The following SEMA4A variants were observed in gnomAD, a reference collection of about 807,000 sequenced individuals.
SEMA4A encodes the protein semaphorin-4A.
SEMA4A carries 52 observed loss-of-function variants against 72.5 expected under a neutral mutation model. That is an observed-to-expected ratio of 0.72 (90% CI 0.57 to 0.90). The LOEUF (loss-of-function observed/expected upper bound fraction) is 0.90, where lower values mean the gene tolerates loss of function less well. Among genes scored for constraint, SEMA4A ranks in the 40% least tolerant of loss-of-function variants. SEMA4A has a pLI of 0.00. For synonymous variants in SEMA4A, 369 were observed against 393.1 expected (o/e 0.94, Z 0.73); for missense variants, 926 against 959.7 (o/e 0.96, Z 0.46).
Position 156,177,181 on chromosome 1 carries a change from A to G in SEMA4A, c.*184A>G, listed in dbSNP as rs1259536177. ...TGATGCACAGCAGTCTGCCTCCCCT[A>G]TGGGACTCCCTTCTACCAAGCACAT... is the stretch of plus-strand genomic sequence containing the variant. On this transcript the variant is annotated 3_prime_UTR_variant, in exon 15 of 15. Coordinates refer to ENST00000368285, the MANE Select transcript of SEMA4A (RefSeq NM_022367.4). 7 of 677,278 alleles carry G rather than the reference A, an allele frequency of 1.0e-5. No individual in the cohort carries two copies. The highest frequency in any genetic ancestry group is 2.1e-5 in the Admixed American group (1 of 47,300). 42.0% of individuals were successfully genotyped at this position (677,278 alleles called of 1,614,324 possible).
intron 14 of SEMA4A, among the ~76,000 whole-genome samples, chr1:156,175,908 C>T (rs1303340855): frequency 6.6e-6 from 1 of 152,042 alleles, no homozygotes; most frequent in Non-Finnish European, 1.5e-5. Context: ...TGGACTGGGG[C>T]TTAGTTTGGG....
At chr1:156,158,668 C>T in intron 5 of SEMA4A, 51 bp from the exon 6 acceptor site, 2 of 1,481,360 alleles carry the variant, frequency 1.4e-6, no homozygotes, top group South Asian at 2.3e-5. Flanking sequence ...CCCTCATTTC[C>T]CAGATGTGAG....
At position 156,156,591 on chromosome 1, in the gene SEMA4A, TAA is replaced by T; in HGVS notation, c.300+19_300+20del. On this transcript the variant is annotated intron_variant, in intron 3 of 14. Coordinates refer to ENST00000368285, the MANE Select transcript of SEMA4A (RefSeq NM_022367.4). ...AAGAACATGGTGAGGAGTCCAGGGA[TAA>T]AGAGTGTGGGCTGGGAGTGAAGAGG... The T allele has an allele frequency of 1.2e-6, 2 of 1,613,474 alleles. No homozygotes were observed. The highest frequency in any genetic ancestry group is 1.7e-6 in the Non-Finnish European group (2 of 1,179,830).
Position 156,176,496 on chromosome 1 carries a change from A to T in SEMA4A, c.1785A>T (p.Pro595=). The T allele has an allele frequency of 6.2e-7, 1 of 1,614,104 alleles. No homozygotes were observed. The highest frequency in any genetic ancestry group is 1.1e-5 in the South Asian group (1 of 91,076). ...ALASYYWSHG[P]AAVPEASSTV... is the part of the protein sequence containing the mutation. ...CCTCTTATTATTGGAGTCATGGCCC[A>T]GCAGCAGTCCCAGAAGCCTCTTCCA... The change falls in exon 15 of 15, where the codon CCA becomes CCT. Residue 595 remains proline, a synonymous_variant. Coordinates refer to ENST00000368285, the MANE Select transcript of SEMA4A (RefSeq NM_022367.4).
At chr1:156,164,237 C>T (rs1176401304) in intron 10 of SEMA4A, among the ~76,000 whole-genome samples, 1 of 152,136 alleles carries the variant, frequency 6.6e-6, no homozygotes, top group African/African-American at 2.4e-5. Flanking sequence ...CTCTCCCCAA[C>T]CATTTTCAAC....
In SEMA4A at chr1:156,175,234, C is replaced by T. The variant is rs763554654; in HGVS notation, c.1583C>T (p.Ala528Val). The T allele has an allele frequency of 1.2e-6, 2 of 1,611,822 alleles. No individual in the cohort carries two copies. The highest frequency in any genetic ancestry group is 1.1e-5 in the South Asian group (1 of 90,898). The part of the protein sequence containing the change: ...PESRTCCLLS[A>V]PNLNSWKQDM... ...TCCCGAACCTGTTGCCTCCTGTCTG[C>T]CCCCAACCTGTGAGTGCCAGTCCTG... The change falls in exon 13 of 15, where the codon GCC becomes GTC. Residue 528 changes from alanine (A) to valine (V), a missense_variant. Transcript: ENST00000368285.
At position 156,163,010 on chromosome 1, in the gene SEMA4A, T is replaced by G; in HGVS notation, c.1050T>G (p.Phe350Leu). The G allele has an allele frequency of 6.2e-7, 1 of 1,614,124 alleles. No homozygotes were observed. The highest frequency in any genetic ancestry group is 8.5e-7 in the Non-Finnish European group (1 of 1,180,018). Residue 350 changes from phenylalanine to leucine, a missense_variant, in exon 10 of 15, where the codon TTT (phenylalanine) becomes TTG (leucine). Phe to Leu is a conservative substitution (Grantham distance 22). Coordinates refer to ENST00000368285, the MANE Select transcript of SEMA4A (RefSeq NM_022367.4). ...CTCTCTTGGACATTGAACGTGTCTT[T>G]AAGGGGAAATACAAAGAGTTGAACA... Reference protein sequence around the residue: ...AFSLLDIERVFKGKYKELNKE... With the variant: ...AFSLLDIERVLKGKYKELNKE...
At chr1:156,156,289 C>T in intron 2 of SEMA4A, 125 bp from the exon 3 acceptor site, 1 of 825,862 alleles carries the variant, frequency 1.2e-6, no homozygotes. Context: ...GAGGAGAGTG[C>T]ATCTAGCTGC....
At chr1:156,158,638 T>A in intron 5 of SEMA4A, 81 bp from the exon 6 acceptor site, 1 of 1,367,922 alleles carries the variant, frequency 7.3e-7, no homozygotes, top group Non-Finnish European at 1.0e-6. Context: ...TCTATGTCCC[T>A]TTCCCTTCCT....
At chr1:156,154,510 A>G (rs1008065029) in intron 1 of SEMA4A, 40 bp from the exon 2 acceptor site, 1 of 1,554,968 alleles carries the variant, frequency 6.4e-7, no homozygotes, top group Non-Finnish European at 8.7e-7. Context: ...TGTGGTAAGA[A>G]CTGCTCACCC....
intron 2 of SEMA4A, chr1:156,156,036 TG>T: frequency 2.9e-6 from 1 of 348,060 alleles, no homozygotes; most frequent in Non-Finnish European, 5.7e-6. Flanking sequence ...CATATAGCTT[TG>T]CTGCTTGTGG....
intron 2 of SEMA4A, chr1:156,155,851 T>A (rs1389095908): frequency 5.2e-6 from 1 of 191,044 alleles, no homozygotes; most frequent in Non-Finnish European, 1.1e-5. Context: ...CACACCTGGC[T>A]CACCATCCCT....
upstream of SEMA4A, among the ~76,000 whole-genome samples, chr1:156,152,878 G>A (rs1652662394): frequency 6.6e-6 from 1 of 152,154 alleles, no homozygotes. Context: ...ATGTCGAGTG[G>A]GCAGGAACCT....
intron 8 of SEMA4A, 22 bp downstream of exon 8, chr1:156,161,051 C>G (rs753507015): frequency 1.3e-6 from 2 of 1,591,648 alleles, no homozygotes; most frequent in South Asian, 1.1e-5. Context: ...GGGCGGGGGG[C>G]GGGGCTAACT....
At chr1:156,159,022 A>G in intron 6 of SEMA4A, 198 bp downstream of exon 6, 1 of 456,758 alleles carries the variant, frequency 2.2e-6, no homozygotes, top group Non-Finnish European at 4.0e-6. Flanking sequence ...CAACACAGCG[A>G]GATCGTCTCA....
chr1:156,175,194 G>A lies in SEMA4A; in HGVS notation c.1543G>A (p.Ala515Thr). 1 of 1,614,106 alleles carries A rather than the reference G, an allele frequency of 6.2e-7. No homozygotes were observed. The highest frequency in any genetic ancestry group is 1.1e-5 in the South Asian group (1 of 91,084). ...TGTCCTTGCCCGGGACCCCCACTGTGCCTGGGACCCTGAGTCCCGAACCTG... is the reference window on the plus strand; with the variant it reads ...TGTCCTTGCCCGGGACCCCCACTGTACCTGGGACCCTGAGTCCCGAACCTG... ...DCVLARDPHC[A>T]WDPESRTCCL... is the part of the protein sequence containing the mutation. Residue 515 changes from alanine to threonine, a missense_variant, in exon 13 of 15, where the codon GCC becomes ACC. Ala to Thr is a moderately conservative substitution (Grantham distance 58). Transcript: ENST00000368285.
intron 10 of SEMA4A, among the ~76,000 whole-genome samples, chr1:156,163,720 CAAA>C (rs34408918): frequency 5.6e-5 from 1 of 17,750 alleles, no homozygotes; most frequent in Non-Finnish European, 1.0e-4. Flanking sequence ...GACTCAGTCT[CAAA>C]AAAAAAAAAA....
intron 1 of SEMA4A, 32 bp from the exon 2 acceptor site, chr1:156,154,518 C>A: frequency 6.4e-7 from 1 of 1,572,222 alleles, no homozygotes; most frequent in Non-Finnish European, 8.6e-7. Context: ...GAACTGCTCA[C>A]CCAGAAAGTG....
At chr1:156,161,310 G>GGGGGGGGCCCCGGGGGCCC in intron 8 of SEMA4A, 36 bp from the exon 9 acceptor site, 3 of 1,381,042 alleles carry the variant, frequency 2.2e-6, no homozygotes, top group East Asian at 2.8e-5. Flanking sequence ...GGGTCGGGGC[G>GGGGGGGGCCCCGGGGGCCC]CCCGGGGCGC....
Sources: gnomAD v4.1 joint callset for allele counts (sites outside exome capture counted in the v4.1 genomes callset) on GRCh38, gnomAD v4.1.1 for gene constraint, MANE v1.5 for transcripts, NCBI Gene and HGNC (gene_info 2026-07-23, HGNC 2026-07-21) for gene names.